TCF3: variants seen among roughly 807,000 people sequenced by gnomAD.
The protein encoded by TCF3 is transcription factor E2-alpha.
A neutral mutation model predicts 72.3 loss-of-function variants in TCF3; 54 were observed. The ratio of observed to expected loss-of-function variants is 0.75; its 90% CI spans 0.60 to 0.94. TCF3 has a LOEUF of 0.94. Ranked by LOEUF, TCF3 falls within the 40% of genes least tolerant of loss-of-function variation. The pLI is 0.00. For synonymous variants in TCF3, 525 were observed against 412.6 expected (o/e 1.27, Z -3.30); for missense variants, 1,078 against 934.4 (o/e 1.15, Z -2.00).
intron 3 of TCF3, among the ~76,000 whole-genome samples, chr19:1,644,779 CA>C (rs1458670629): frequency 6.6e-6 from 1 of 152,110 alleles, no homozygotes; most frequent in Non-Finnish European, 1.5e-5. Flanking sequence ...TGAGAGGCGA[CA>C]GGGGACGAGG....
chr19:1,650,147 G>GT (rs2066787996), intron 2 of TCF3, 30 bp downstream of exon 2: 1 of 1,547,604 alleles, frequency 6.5e-7, no homozygotes, highest in Non-Finnish European at 8.7e-7. Flanking sequence ...GCAAAGGGGT[G>GT]TCGGGGGCTG....
intron 16 of TCF3, among the ~76,000 whole-genome samples, chr19:1,617,869 C>T (rs2061712971): frequency 6.6e-6 from 1 of 152,212 alleles, no homozygotes; most frequent in African/African-American, 2.4e-5. Flanking sequence ...GAGCTCCCCT[C>T]AGCCCTGACA....
rs2061415556 is a variant in TCF3 at position 1,615,094 on chromosome 19, A to C, written c.1822+191T>G. Among the ~76,000 whole-genome samples, 1 of 152,066 alleles carries C rather than the reference A, an allele frequency of 6.6e-6. No individual in the cohort carries two copies. Among genetic ancestry groups the C allele is most frequent in the Non-Finnish European group, 1.5e-5 (1 of 68,000 alleles). ...AGGGGATGCTGAGGCAGGCAGGGAG[A>C]AGGGCTGGCAGTCAGGAGTGGACAG... On this transcript the variant is annotated intron_variant, in intron 18 of 18. Transcript: ENST00000262965. The surrounding 1 kb of genome is among the most constrained non-coding windows in gnomAD (Gnocchi z 7.3).
chr19:1,623,066 A>G (rs1331742411), intron 8 of TCF3, among the ~76,000 whole-genome samples: 1 of 152,136 alleles, frequency 6.6e-6, no homozygotes, highest in Non-Finnish European at 1.5e-5. Context: ...TTGGGAGCAG[A>G]GCCTGACCAC....
chr19:1,615,418 A>G lies in TCF3; in HGVS notation c.1689T>C (p.Arg563=), dbSNP rs1052774. ...GCTCCTTAAAGGCCTCGTTGATGTC[A>G]CGGACCCGCAGCCGCTCCCGGGCGT... The part of the protein sequence containing the change: ...ANNARERLRV[R]DINEAFKELG... Residue 563 remains arginine, a synonymous_variant, in exon 18 of 19, where the codon CGT becomes CGC. Coordinates refer to ENST00000262965, the MANE Select transcript of TCF3 (RefSeq NM_003200.5). The surrounding 1 kb of genome is among the most constrained non-coding windows in gnomAD (Gnocchi z 7.3). 1 of 1,613,894 alleles carries G rather than the reference A, an allele frequency of 6.2e-7. No homozygotes were observed. The highest frequency in any genetic ancestry group is 8.5e-7 in the Non-Finnish European group (1 of 1,179,972).
At chr19:1,630,294 G>T (rs533142244) in intron 5 of TCF3, among the ~76,000 whole-genome samples, 4 of 152,180 alleles carry the variant, frequency 2.6e-5, no homozygotes, top group Non-Finnish European at 5.9e-5. Flanking sequence ...TAAGGGGAAC[G>T]GGCAGAAATC....
chr19:1,612,310 C>A, intron 18 of TCF3: 1 of 1,613,916 alleles, frequency 6.2e-7, no homozygotes, highest in Non-Finnish European at 8.5e-7. Flanking sequence ...GGCACATGCG[C>A]CCCAGCTCCC....
intron 8 of TCF3, 63 bp downstream of exon 8, chr19:1,623,888 G>A: frequency 1.3e-6 from 2 of 1,554,878 alleles, no homozygotes. Flanking sequence ...AGCTTCGCCA[G>A]GACACAGGGC....
At chr19:1,633,742 A>G (rs1401687507) in intron 3 of TCF3, among the ~76,000 whole-genome samples, 2 of 152,166 alleles carry the variant, frequency 1.3e-5, no homozygotes, top group Non-Finnish European at 2.9e-5. Flanking sequence ...TGTGGTCTCC[A>G]GGAATCCACA....
intron 3 of TCF3, among the ~76,000 whole-genome samples, chr19:1,642,681 C>A (rs926723750): frequency 5.3e-5 from 8 of 152,212 alleles, no homozygotes; most frequent in African/African-American, 1.9e-4. Context: ...CCACGTTGGC[C>A]AGGCTGGTCT....
intron 16 of TCF3, among the ~76,000 whole-genome samples, chr19:1,618,476 A>G (rs1469783327): frequency 6.6e-6 from 1 of 151,864 alleles, no homozygotes; most frequent in Non-Finnish European, 1.5e-5. Context: ...CCCGCAGCCC[A>G]CAAGGCCCCG....
At chr19:1,649,376 G>T (rs1361168193) in intron 2 of TCF3, among the ~76,000 whole-genome samples, 1 of 152,220 alleles carries the variant, frequency 6.6e-6, no homozygotes, top group Admixed American at 6.5e-5. Flanking sequence ...TGTCTGCCCT[G>T]TTCACGGAGG....
chr19:1,634,403 G>C lies in TCF3; in HGVS notation c.146-1998C>G, dbSNP rs146267694. ...AAGGGCACCTTCCTGCCCTGGGCCA[G>C]CCTGGCTGCCTCGGGAGAGGCCTGC... On this transcript the variant is annotated intron_variant, in intron 3 of 18. Transcript: ENST00000262965. 4.9e-3 allele frequency among the ~76,000 whole-genome samples: 751 copies of C among 152,352 alleles called. 3 individuals are homozygous for C. Among genetic ancestry groups the C allele is most frequent in the African/African-American group, 0.017 (704 of 41,572 alleles).
At position 1,650,027 on chromosome 19, in the gene TCF3, C is replaced by G. The variant is rs2066762395; in HGVS notation, c.72+150G>C. 5.6e-6 allele frequency: 4 copies of G among 720,636 alleles called. No homozygotes were observed. In the South Asian group the frequency reaches 7.5e-5, roughly 14 times the overall value. The allele number at this position is 720,636 out of a possible 1,614,324, so 44.6% of individuals were successfully genotyped here. ...GCGCTGTCAGCCTCCTGCCAGAGAG[C>G]GGCCCACTCCCCCAGCCCCACCGGG... On this transcript the variant is annotated intron_variant, in intron 2 of 18. Coordinates refer to ENST00000262965, the MANE Select transcript of TCF3 (RefSeq NM_003200.5).
At chr19:1,632,494 G>C (rs2063830670) in intron 3 of TCF3, 89 bp from the exon 4 acceptor site, 1 of 1,384,354 alleles carries the variant, frequency 7.2e-7, no homozygotes, top group African/African-American at 1.4e-5. Flanking sequence ...GCAAACCTCA[G>C]TGGACCCGGG....
At chr19:1,648,680 G>A (rs2066510163) in intron 2 of TCF3, among the ~76,000 whole-genome samples, 1 of 152,220 alleles carries the variant, frequency 6.6e-6, no homozygotes, top group Non-Finnish European at 1.5e-5. Flanking sequence ...TCCGCAGGGT[G>A]GCCGGTGTTG....
rs546593876 is a variant in TCF3, at chr19:1,613,355, C to T, written c.1823-1506G>A. ...GGAAGACCCAAGGTCTGACTGTTCC[C>T]AGACGTTTCTGTGGAGGGAGATGGG... is the stretch of plus-strand genomic sequence containing the variant. On this transcript the variant is annotated intron_variant, in intron 18 of 18. Transcript: ENST00000262965. 5.9e-5 allele frequency among the ~76,000 whole-genome samples: 9 copies of T among 152,254 alleles called. No individual in the cohort carries two copies. The East Asian group carries it at 1.5e-3, about 26-fold the overall frequency.
chr19:1,623,661 G>A (rs2062529653), intron 8 of TCF3, among the ~76,000 whole-genome samples: 1 of 152,176 alleles, frequency 6.6e-6, no homozygotes, highest in Non-Finnish European at 1.5e-5. Flanking sequence ...TGGGATGACA[G>A]GCATGAGCCA....
chr19:1,638,435 ACC>A (rs1458738550), intron 3 of TCF3, among the ~76,000 whole-genome samples: 2 of 151,982 alleles, frequency 1.3e-5, no homozygotes, highest in Admixed American at 6.6e-5. Context: ...GGCGCCCACC[ACC>A]GCGCCCGGCT....
Sources: gnomAD v4.1 joint callset for allele counts (sites outside exome capture counted in the v4.1 genomes callset) on GRCh38, gnomAD v4.1.1 for gene constraint, Gnocchi (gnomAD v3.1) non-coding constraint, MANE v1.5 for transcripts, NCBI Gene and HGNC (gene_info 2026-07-23, HGNC 2026-07-21) for gene names.